The following PIWIL2 variants were observed in gnomAD, a reference collection of about 807,000 sequenced individuals.
PIWIL2 encodes the protein piwi like RNA-mediated gene silencing 2.
Under a neutral mutation model 116.5 loss-of-function variants are expected in PIWIL2, and 81 were observed. The ratio of observed to expected loss-of-function variants is 0.70; its 90% CI spans 0.58 to 0.84. The LOEUF (loss-of-function observed/expected upper bound fraction) is 0.84. Among genes scored for constraint, PIWIL2 ranks in the 40% least tolerant of loss-of-function variants. The probability of loss-of-function intolerance (pLI) is 0.00; values close to 1 mark genes in which losing one functional copy is unlikely to be tolerated. For synonymous variants in PIWIL2, 489 were observed against 429.5 expected (o/e 1.14, Z -1.71); for missense variants, 1,272 against 1,212.3 (o/e 1.05, Z -0.73).
chr8:22,324,060 A>C (rs1327720415), intron 20 of PIWIL2, among the ~76,000 whole-genome samples: 2 of 152,110 alleles, frequency 1.3e-5, no homozygotes, highest in Non-Finnish European at 2.9e-5. Flanking sequence ...TTAGGAGTTC[A>C]AGACCAGCCT....
intron 20 of PIWIL2, among the ~76,000 whole-genome samples, chr8:22,339,439 C>T (rs548327510): frequency 1.3e-5 from 2 of 150,378 alleles, no homozygotes; most frequent in South Asian, 2.1e-4. Context: ...ACCAGGGAGT[C>T]GGAGGTTTTG....
chr8:22,285,978 A>G (rs1830620486), intron 6 of PIWIL2, among the ~76,000 whole-genome samples: 1 of 152,198 alleles, frequency 6.6e-6, no homozygotes, highest in African/African-American at 2.4e-5. Context: ...AGGTAGCTAT[A>G]CTAGGAAGGC....
chr8:22,325,222 C>A (rs1420033357), intron 20 of PIWIL2, among the ~76,000 whole-genome samples: 3 of 152,150 alleles, frequency 2.0e-5, no homozygotes, highest in Admixed American at 2.0e-4. Flanking sequence ...CCACTTCCTT[C>A]GATTCAGCAG....
chr8:22,308,908 C>T (rs962443671), intron 14 of PIWIL2, among the ~76,000 whole-genome samples: 1 of 152,072 alleles, frequency 6.6e-6, no homozygotes, highest in African/African-American at 2.4e-5. Flanking sequence ...ACCTTAGCCT[C>T]CCAAAGTGTT....
rs1351664894 is a variant in PIWIL2, at chr8:22,353,619, CAG to C, written c.2657+415_2657+416del. ...GTCCACTGTAATCCAGCCTGGGCAA[CAG>C]AGAGAGACTCTGTCTCAAAACGAAA... On this transcript the variant is annotated intron_variant, in intron 21 of 22. Coordinates refer to ENST00000356766, the MANE Select transcript of PIWIL2 (RefSeq NM_018068.5). Among the ~76,000 whole-genome samples, 5 of 152,098 alleles carry C rather than the reference CAG, an allele frequency of 3.3e-5. No individual in the cohort carries two copies. The Middle Eastern group carries it at 0.01, about 310-fold the overall frequency.
At chr8:22,347,727 G>A (rs1433129627) in intron 20 of PIWIL2, among the ~76,000 whole-genome samples, 46 of 150,290 alleles carry the variant, frequency 3.1e-4, no homozygotes, top group African/African-American at 1.1e-3. Flanking sequence ...GGGTTTCACT[G>A]TGTTGGCCAG....
Position 22,284,073 on chromosome 8 carries a change from A to G in PIWIL2, c.633-89A>G, listed in dbSNP as rs370707744. 12 of 637,138 alleles carry G rather than the reference A, an allele frequency of 1.9e-5. No homozygotes were observed. In the East Asian group the frequency reaches 2.5e-4, roughly 13 times the overall value. The allele number at this position is 637,138 out of a possible 1,614,324, so 39.5% of individuals were successfully genotyped here. A position where few individuals can be genotyped will look rare whatever the true frequency, so the allele number is the denominator to read the frequency against. ...ATGTGAAAAAATGTTACTTCCCCCA[A>G]TCTTCTTGTTGTTGGTTGTGTGGGT... On this transcript the variant is annotated intron_variant, in intron 5 of 22. Transcript: ENST00000356766.
At chr8:22,292,258 G>A (rs534272868) in intron 10 of PIWIL2, among the ~76,000 whole-genome samples, 6 of 151,972 alleles carry the variant, frequency 3.9e-5, no homozygotes, top group African/African-American at 9.6e-5. Flanking sequence ...AGCAGTGCAC[G>A]GGCAAGACCC....
chr8:22,304,008 T>C lies in PIWIL2; in HGVS notation c.1182-13T>C. On this transcript the variant is annotated splice_polypyrimidine_tract_variant and intron_variant, in intron 10 of 22. Coordinates refer to ENST00000356766, the MANE Select transcript of PIWIL2 (RefSeq NM_018068.5). ...TATACTGTGATCCAAAAGTCTTTTATCTCTTTCCAAAGGCATGCCATTTAT... is the reference window on the plus strand; with the variant it reads ...TATACTGTGATCCAAAAGTCTTTTACCTCTTTCCAAAGGCATGCCATTTAT... 1 of 1,594,258 alleles carries C rather than the reference T, an allele frequency of 6.3e-7. No homozygotes were observed. The highest frequency in any genetic ancestry group is 8.6e-7 in the Non-Finnish European group (1 of 1,166,188).
intron 10 of PIWIL2, among the ~76,000 whole-genome samples, chr8:22,296,418 G>A (rs193041494): frequency 1.3e-5 from 2 of 152,160 alleles, no homozygotes; most frequent in African/African-American, 2.4e-5. Flanking sequence ...TTATTCCCTT[G>A]TTTTAGTGTA....
At chr8:22,345,685 T>A (rs1414205171) in intron 20 of PIWIL2, among the ~76,000 whole-genome samples, 2 of 152,002 alleles carry the variant, frequency 1.3e-5, no homozygotes, top group Non-Finnish European at 2.9e-5. Flanking sequence ...GAAATAATTT[T>A]AAAAACCCAC....
At chr8:22,316,218 G>T in intron 18 of PIWIL2, 27 bp from the exon 19 acceptor site, 1 of 1,474,756 alleles carries the variant, frequency 6.8e-7, no homozygotes, top group Non-Finnish European at 9.5e-7. Flanking sequence ...TCTGGGGTTT[G>T]GTTTTTGTTT....
At chr8:22,316,481 T>G in intron 19 of PIWIL2, 148 bp downstream of exon 19, 2 of 573,526 alleles carry the variant, frequency 3.5e-6, no homozygotes. Context: ...TGAATTTTTT[T>G]TTTCGGGGGG....
intron 20 of PIWIL2, among the ~76,000 whole-genome samples, chr8:22,349,417 G>GTATATATATATATA (rs1431825878): frequency 1.1e-3 from 153 of 134,556 alleles, no homozygotes; most frequent in Non-Finnish European, 1.7e-3. Context: ...ATATGTGTGT[G>GTATATATATATATA]TGTATATATA....
At chr8:22,334,529 AAAAG>A (rs1305201273) in intron 20 of PIWIL2, among the ~76,000 whole-genome samples, 10 of 151,294 alleles carry the variant, frequency 6.6e-5, no homozygotes, top group South Asian at 2.1e-4. Flanking sequence ...CAAAAAAAAA[AAAAG>A]AAAAGAAAAT....
At chr8:22,301,410 T>C (rs920594987) in intron 10 of PIWIL2, among the ~76,000 whole-genome samples, 3 of 151,894 alleles carry the variant, frequency 2.0e-5, no homozygotes, top group Admixed American at 6.6e-5. Flanking sequence ...TCTCATGCCT[T>C]GGCCTCCTGA....
At chr8:22,290,197 T>C (rs1488514146) in intron 9 of PIWIL2, 36 bp from the exon 10 acceptor site, 1 of 1,324,632 alleles carries the variant, frequency 7.5e-7, no homozygotes, top group African/African-American at 1.4e-5. Context: ...ATGTGTTCTT[T>C]GAAAATCCTA....
Position 22,283,015 on chromosome 8 carries a change from C to A in PIWIL2, c.426-19C>A. ...GCTATTATAAAAAACCCTGATTTGC[C>A]TCTCTCTCCACATTTCAGGACGCTT... On this transcript the variant is annotated intron_variant, in intron 4 of 22. Coordinates refer to ENST00000356766, the MANE Select transcript of PIWIL2 (RefSeq NM_018068.5). 1 of 1,600,190 alleles carries A rather than the reference C, an allele frequency of 6.2e-7. No homozygotes were observed. The highest frequency in any genetic ancestry group is 1.1e-5 in the South Asian group (1 of 90,796).
intron 10 of PIWIL2, among the ~76,000 whole-genome samples, chr8:22,291,808 C>T (rs953826083): frequency 6.6e-6 from 1 of 152,078 alleles, no homozygotes; most frequent in Non-Finnish European, 1.5e-5. Flanking sequence ...AAAGATCCCT[C>T]CCCTCACAGA....
Sources: gnomAD v4.1 joint callset for allele counts (sites outside exome capture counted in the v4.1 genomes callset) on GRCh38, gnomAD v4.1.1 for gene constraint, MANE v1.5 for transcripts, NCBI Gene and HGNC (gene_info 2026-07-23, HGNC 2026-07-21) for gene names.